LPO: variants seen among roughly 807,000 people sequenced by gnomAD.
LPO encodes lactoperoxidase.
LPO carries 70 observed loss-of-function variants against 68.4 expected under a neutral mutation model. The ratio of observed to expected loss-of-function variants is 1.02; its 90% CI spans 0.84 to 1.25. The LOEUF (loss-of-function observed/expected upper bound fraction) is 1.25. Ranked by LOEUF, LPO falls within the 50% of genes most tolerant of loss-of-function variation. The pLI is 0.00. For synonymous variants in LPO, 360 were observed against 357.6 expected (o/e 1.01, Z -0.08); for missense variants, 873 against 908.4 (o/e 0.96, Z 0.50).
At chr17:58,255,646 G>A (rs7217459) in intron 9 of LPO, among the ~76,000 whole-genome samples, 3 of 152,186 alleles carry the variant, frequency 2.0e-5, no homozygotes, top group African/African-American at 7.2e-5. Flanking sequence ...CCAGTGGCAG[G>A]GCTCTTGGGC....
At chr17:58,258,146 A>C (rs774295069) in intron 9 of LPO, among the ~76,000 whole-genome samples, 3 of 152,076 alleles carry the variant, frequency 2.0e-5, no homozygotes, top group Non-Finnish European at 4.4e-5. Context: ...TTTTAATTTG[A>C]TGTGATCCCA....
At chr17:58,264,672 A>C in intron 9 of LPO, 50 bp from the exon 10 acceptor site, 3 of 1,599,696 alleles carry the variant, frequency 1.9e-6, no homozygotes, top group Non-Finnish European at 2.6e-6. Flanking sequence ...CCCTCTGCAG[A>C]GGTTTAAACC....
rs557914569 is a variant in LPO, at chr17:58,246,228, G to A, written c.165-1250G>A. 1.1e-3 allele frequency among the ~76,000 whole-genome samples: 160 copies of A among 152,286 alleles called. 4 individuals are homozygous for A. In the South Asian group the frequency reaches 0.033, roughly 31 times the overall value. On this transcript the variant is annotated intron_variant, in intron 3 of 12. Transcript: ENST00000262290. Reference sequence around the variant, plus strand: ...TGGGTGCTCAGGAAAAGGAAGGCCAGTGGAGGCAGGAGGCAAGGAGGATCA... The same window carrying A: ...TGGGTGCTCAGGAAAAGGAAGGCCAATGGAGGCAGGAGGCAAGGAGGATCA...
chr17:58,267,712 C>A, intron 12 of LPO, 75 bp from the exon 13 acceptor site: 1 of 1,502,704 alleles, frequency 6.7e-7, no homozygotes, highest in South Asian at 1.2e-5. Context: ...CCCTGTGACC[C>A]TTTCCTTCCC....
chr17:58,265,884 CA>C (rs1970253971), intron 10 of LPO, among the ~76,000 whole-genome samples: 1 of 151,824 alleles, frequency 6.6e-6, no homozygotes, highest in South Asian at 2.1e-4. Context: ...CATGCATGGC[CA>C]AAAAATATCT....
In LPO at chr17:58,252,368, C is replaced by T. The variant is rs781174743; in HGVS notation, c.967C>T (p.Leu323Phe). The T allele has an allele frequency of 1.2e-6, 2 of 1,614,224 alleles. No individual in the cohort carries two copies. The highest frequency in any genetic ancestry group is 2.2e-5 in the South Asian group (2 of 91,086). Residue 323 changes from leucine to phenylalanine, a missense_variant, in exon 8 of 13, where the codon CTC (leucine) becomes TTC (phenylalanine). Physicochemically the swap from Leu to Phe is conservative, Grantham distance 22 (BLOSUM62 0). Coordinates refer to ENST00000262290, the MANE Select transcript of LPO (RefSeq NM_006151.3). ...AAGCCTGGCCAGCCGCCTCCGCAAC[C>T]TCAGCAGCCCCCTGGGCCTCATGGC... ...EPSLASRLRNLSSPLGLMAVN... is the reference protein window; with the variant it reads ...EPSLASRLRNFSSPLGLMAVN...
chr17:58,266,067 A>T (rs1970256932), intron 10 of LPO, 86 bp from the exon 11 acceptor site: 1 of 1,334,248 alleles, frequency 7.5e-7, no homozygotes, highest in South Asian at 1.4e-5. Flanking sequence ...CTAAGAGAAA[A>T]TGTCTGGTGG....
chr17:58,267,057 C>T (rs966513775), intron 11 of LPO, among the ~76,000 whole-genome samples: 5 of 152,210 alleles, frequency 3.3e-5, no homozygotes. Flanking sequence ...GGGCAAATTA[C>T]TTAACATTTC....
At chr17:58,247,398 C>T in intron 3 of LPO, 80 bp from the exon 4 acceptor site, 1 of 1,317,658 alleles carries the variant, frequency 7.6e-7, no homozygotes, top group Non-Finnish European at 1.0e-6. Context: ...GTTGTACACA[C>T]ACCCCTCCCA....
chr17:58,255,344 C>T (rs1970050901), intron 9 of LPO, among the ~76,000 whole-genome samples: 1 of 152,214 alleles, frequency 6.6e-6, no homozygotes, highest in Non-Finnish European at 1.5e-5. Flanking sequence ...TACATCTACG[C>T]CCATCTCATG....
At chr17:58,243,837 T>C in intron 2 of LPO, 157 bp from the exon 3 acceptor site, 1 of 621,190 alleles carries the variant, frequency 1.6e-6, no homozygotes, top group South Asian at 1.9e-5. Context: ...CTTTTTCCCC[T>C]TAAGGACTCT....
chr17:58,244,953 A>G (rs1969826694), intron 3 of LPO, among the ~76,000 whole-genome samples: 1 of 152,084 alleles, frequency 6.6e-6, no homozygotes, highest in Non-Finnish European at 1.5e-5. Context: ...GAGGGCAGAC[A>G]TTGAGAAAAA....
Position 58,249,692 on chromosome 17 carries a change from G to T in LPO, c.570G>T (p.Pro190=), listed in dbSNP as rs377627689. Residue 190 remains proline (P), a synonymous_variant, in exon 6 of 13, where the codon CCG becomes CCT. Transcript: ENST00000262290. ...AGACGCGCAACGGCTTCCCTCTCCC[G>T]CTGGTGAGGGCAGGCCGGGCCGGGG... ...PGKTRNGFPL[P]LAREVSNKIV... 1.3e-4 allele frequency: 205 copies of T among 1,565,534 alleles called. 1 individual carries two copies. The African/African-American group carries it at 2.4e-3, about 18-fold the overall frequency.
chr17:58,257,874 C>A (rs1209149475), intron 9 of LPO, among the ~76,000 whole-genome samples: 1 of 152,178 alleles, frequency 6.6e-6, no homozygotes, highest in Non-Finnish European at 1.5e-5. Flanking sequence ...ATCTGCATTT[C>A]TCTGATGATC....
At chr17:58,248,076 T>C (rs1460070422) in intron 4 of LPO, among the ~76,000 whole-genome samples, 1 of 152,170 alleles carries the variant, frequency 6.6e-6, no homozygotes, top group Non-Finnish European at 1.5e-5. Flanking sequence ...AAGATTTCCA[T>C]CGTGTTCTGG....
intron 1 of LPO, among the ~76,000 whole-genome samples, chr17:58,241,050 G>T (rs1350691369): frequency 1.3e-5 from 2 of 151,556 alleles, no homozygotes; most frequent in Admixed American, 6.6e-5. Context: ...CAGTACTGTA[G>T]AGTTTAAATG....
In LPO at chr17:58,264,826, C is replaced by T. The variant is rs1257408731; in HGVS notation, c.1371C>T (p.Ser457=). The change falls in exon 10 of 13, where the codon TCC becomes TCT. Residue 457 remains serine (S), a synonymous_variant. Transcript: ENST00000262290. ...GYSESVDPRI[S]NVFTFAFRFG... ...GTGAATCTGTGGATCCCAGAATTTC[C>T]AATGTCTTCACCTTCGCCTTCCGCT... The T allele has an allele frequency of 2.5e-6, 4 of 1,614,224 alleles. No individual in the cohort carries two copies. The African/African-American group carries it at 4.0e-5, about 16-fold the overall frequency.
At chr17:58,259,029 G>GT (rs61586555) in intron 9 of LPO, among the ~76,000 whole-genome samples, 126 of 149,944 alleles carry the variant, frequency 8.4e-4, no homozygotes, top group South Asian at 3.6e-3. Context: ...TTTGGTGGGG[G>GT]TTTTTTTTTT....
intron 9 of LPO, among the ~76,000 whole-genome samples, chr17:58,256,351 G>T (rs1370667706): frequency 6.6e-6 from 1 of 150,922 alleles, no homozygotes; most frequent in African/African-American, 2.4e-5. Flanking sequence ...TTATTTGTTT[G>T]AGATACATGC....
Sources: allele counts gnomAD v4.1 joint callset (sites outside exome capture counted in the v4.1 genomes callset), GRCh38; gene constraint gnomAD v4.1.1; transcripts MANE v1.5; gene names NCBI Gene and HGNC (gene_info 2026-07-23, HGNC 2026-07-21).